Variants in CTRB2 observed in about 807,000 individuals in gnomAD.
The protein encoded by CTRB2 is chymotrypsinogen B2, also known as chymotrypsin B2.
Under a neutral mutation model 19.3 loss-of-function variants are expected in CTRB2, and 9 were observed. The ratio of observed to expected loss-of-function variants is 0.47; its 90% CI spans 0.28 to 0.81. CTRB2 has a LOEUF of 0.81. Ranked by LOEUF, CTRB2 falls within the 40% of genes least tolerant of loss-of-function variation. The pLI is 0.11. For synonymous variants in CTRB2, 98 were observed against 117.3 expected, an observed-to-expected ratio of 0.84 and a Z score of 1.06; for missense variants, 210 against 269.7, an observed-to-expected ratio of 0.78 and a Z score of 1.55.
At position 75,204,808 on chromosome 16, in the gene CTRB2, TCATCACGTCGG is replaced by T. The variant is rs2038875070; in HGVS notation, c.584_594del (p.Thr195AsnfsTer14). 2.1e-6 allele frequency: 3 copies of T among 1,434,256 alleles called. No individual in the cohort carries two copies. Among genetic ancestry groups the T allele is most frequent in the Non-Finnish European group, 2.8e-6 (3 of 1,055,474 alleles). The allele number at this position is 1,434,256 out of a possible 1,614,324, so 88.8% of individuals were successfully genotyped here. On this transcript the variant is annotated frameshift_variant, in exon 6 of 7. Coordinates refer to ENST00000303037, the MANE Select transcript of CTRB2 (RefSeq NM_001025200.4). LOFTEE classifies it low-confidence loss of function (END_TRUNC). ...GAGACGCCACTGGCCCCGGCACAGA[TCATCACGTCGG>T]TGATCCTCCTGCCCCAGGACTTCTT... is the stretch of plus-strand genomic sequence containing the variant.
intron 1 of CTRB2, 133 bp downstream of exon 1, chr16:75,206,957 G>A: frequency 1.2e-6 from 1 of 848,206 alleles, no homozygotes; most frequent in Non-Finnish European, 1.9e-6. Flanking sequence ...CAGAGATGGA[G>A]CCGGTGACTC....
intron 1 of CTRB2, 79 bp from the exon 2 acceptor site, chr16:75,206,272 T>G (rs2038890945): frequency 1.4e-6 from 2 of 1,422,960 alleles, no homozygotes; most frequent in South Asian, 2.7e-5. Flanking sequence ...CTCCCAACTC[T>G]TTTCCAGTCT....
intron 5 of CTRB2, 27 bp from the exon 6 acceptor site, chr16:75,204,933 C>G (rs1271815665): frequency 1.2e-6 from 1 of 834,936 alleles, no homozygotes; most frequent in Non-Finnish European, 1.8e-6. Flanking sequence ...GGGTCAGGGC[C>G]CCTGGGCTCA....
At chr16:75,206,407 T>G (rs2038892734) in intron 1 of CTRB2, 2 of 598,072 alleles carry the variant, frequency 3.3e-6, no homozygotes, top group Admixed American at 3.1e-5. Context: ...TGCTGAGGAA[T>G]GGGGTGTTGG....
chr16:75,205,703 GC>G, intron 4 of CTRB2, 38 bp downstream of exon 4: 3 of 580,778 alleles, frequency 5.2e-6, no homozygotes, highest in Non-Finnish European at 9.0e-6. Flanking sequence ...CTCCCCCCGT[GC>G]CCACGGCCCT....
intron 6 of CTRB2, 53 bp from the exon 7 acceptor site, chr16:75,204,375 G>A (rs1457380886): frequency 3.8e-6 from 6 of 1,565,152 alleles, no homozygotes; most frequent in Non-Finnish European, 5.2e-6. Context: ...CCAGGGCCTA[G>A]GGGACCCTGA....
chr16:75,206,412 T>C, intron 1 of CTRB2: 1 of 589,234 alleles, frequency 1.7e-6, no homozygotes, highest in Non-Finnish European at 3.0e-6. Flanking sequence ...AGGAATGGGG[T>C]GTTGGCCCCA....
At chr16:75,204,666 C>T in intron 6 of CTRB2, 107 bp downstream of exon 6, 2 of 1,544,704 alleles carry the variant, frequency 1.3e-6, no homozygotes, top group Non-Finnish European at 8.7e-7. Context: ...CCTCACTGGG[C>T]CCCAGGAGGG....
At chr16:75,206,967 C>T (rs1182775648) in intron 1 of CTRB2, 123 bp downstream of exon 1, 25 of 942,566 alleles carry the variant, frequency 2.7e-5, no homozygotes, top group South Asian at 9.8e-5. Flanking sequence ...GCCGGTGACT[C>T]GCCCAGGCCC....
chr16:75,204,383 T>G (rs1438859400), intron 6 of CTRB2, 61 bp from the exon 7 acceptor site: 3 of 1,522,360 alleles, frequency 2.0e-6, no homozygotes, highest in African/African-American at 1.4e-5. Context: ...TAGGGGACCC[T>G]GACCTGGTGG....
rs893308775 is a variant in CTRB2 at position 75,207,153 on chromosome 16, C to T, written c.-12G>A. The T allele has an allele frequency of 3.9e-6, 6 of 1,556,086 alleles. No individual in the cohort carries two copies. In the African/African-American group the frequency reaches 8.1e-5, roughly 21 times the overall value. On this transcript the variant is annotated 5_prime_UTR_variant, in exon 1 of 7. Transcript: ENST00000303037. ...CAGAGGAAAGCCATGGTGCCGCTGGCAGGGGTGTAGGACGCCTGTCTGCCG... is the reference window on the plus strand; with the variant it reads ...CAGAGGAAAGCCATGGTGCCGCTGGTAGGGGTGTAGGACGCCTGTCTGCCG...
At chr16:75,204,671 G>A in intron 6 of CTRB2, 102 bp downstream of exon 6, 3 of 1,547,712 alleles carry the variant, frequency 1.9e-6, no homozygotes, top group East Asian at 4.9e-5. Flanking sequence ...CTGGGCCCCA[G>A]GAGGGTGTGG....
intron 1 of CTRB2, 73 bp from the exon 2 acceptor site, chr16:75,206,266 C>T: frequency 6.9e-7 from 1 of 1,446,988 alleles, no homozygotes; most frequent in Non-Finnish European, 9.3e-7. Flanking sequence ...CTCTCACTCC[C>T]AACTCTTTTC....
In CTRB2 at chr16:75,207,106, G is replaced by C. The variant is rs980721159; in HGVS notation, c.36C>G (p.Leu12=). The change falls in exon 1 of 7, where the codon CTC becomes CTG. Residue 12 remains leucine, a synonymous_variant. Coordinates refer to ENST00000303037, the MANE Select transcript of CTRB2 (RefSeq NM_001025200.4). Reference sequence around the variant, plus strand: ...GGCACTCACCGAAGGTGGTACCCAGGAGGGCCCAGCAGGAGAGGAGCCAGA... The same window carrying C: ...GGCACTCACCGAAGGTGGTACCCAGCAGGGCCCAGCAGGAGAGGAGCCAGA... ...AFLWLLSCWA[L]LGTTFGCGVP... 1 of 1,557,970 alleles carries C rather than the reference G, an allele frequency of 6.4e-7. No individual in the cohort carries two copies. Among genetic ancestry groups the C allele is most frequent in the African/African-American group, 1.4e-5 (1 of 74,002 alleles).
intron 1 of CTRB2, 45 bp downstream of exon 1, chr16:75,207,045 G>T: frequency 1.3e-6 from 2 of 1,532,896 alleles, no homozygotes; most frequent in Non-Finnish European, 1.8e-6. Context: ...GGGGCTGGGA[G>T]TGAGAGGAGA....
At chr16:75,206,497 C>T in intron 1 of CTRB2, 2 of 479,232 alleles carry the variant, frequency 4.2e-6, no homozygotes, top group South Asian at 3.2e-5. Flanking sequence ...GGAGGCCAGA[C>T]TCTGTGGGTT....
Position 75,205,999 on chromosome 16 carries a change from G to A in CTRB2, c.157-7C>T, listed in dbSNP as rs1000043253. The A allele has an allele frequency of 9.0e-6, 9 of 997,848 alleles. No individual in the cohort carries two copies. The African/African-American group carries it at 1.2e-4, about 14-fold the overall frequency. The allele number at this position is 997,848 out of a possible 1,614,324, so 61.8% of individuals were successfully genotyped here. A position where few individuals can be genotyped will look rare whatever the true frequency, so the allele number is the denominator to read the frequency against. The stretch of plus-strand genomic sequence containing the variant: ...AGTGGAAGCCGGTTTTGTCCTGTGA[G>A]CAAGATGGGGAGGGTCAGCACCTCC... On this transcript the variant is annotated splice_region_variant and splice_polypyrimidine_tract_variant and intron_variant, in intron 2 of 6. Transcript: ENST00000303037.
rs371932307 is a variant in CTRB2 at position 75,204,335 on chromosome 16, G to A, written c.631-13C>T. ...CTCCAGAGTCACCCTGCAGGAAGGA[G>A]AGGAAGTATCTCTAGGCCTGAAAGG... is the stretch of plus-strand genomic sequence containing the variant. On this transcript the variant is annotated splice_polypyrimidine_tract_variant and intron_variant, in intron 6 of 6. Transcript: ENST00000303037. The A allele has an allele frequency of 1.2e-6, 2 of 1,613,560 alleles. No individual in the cohort carries two copies. Among genetic ancestry groups the A allele is most frequent in the Non-Finnish European group, 1.7e-6 (2 of 1,179,810 alleles).
rs200112350 is a variant in CTRB2, at chr16:75,206,129, G to A, written c.117C>T (p.Asp39=). The change falls in exon 2 of 7, where the codon GAC becomes GAT. Residue 39 remains aspartate, a synonymous_variant. Transcript: ENST00000303037. ...SGLSRIVNGE[D]AVPGSWPWQV... The stretch of plus-strand genomic sequence containing the variant: ...GCCAGGGCCAGGAGCCGGGGACGGC[G>A]TCCTCCCCATTCACGATCCTGGACA... The A allele has an allele frequency of 5.2e-5, 80 of 1,542,052 alleles. No individual in the cohort carries two copies. Among genetic ancestry groups the A allele is most frequent in the East Asian group, 3.9e-4 (16 of 40,656 alleles).
Sources: gnomAD v4.1 joint callset for allele counts on GRCh38, gnomAD v4.1.1 for gene constraint, MANE v1.5 for transcripts, NCBI Gene and HGNC (gene_info 2026-07-23, HGNC 2026-07-21) for gene names.